The following MRC1 variants were observed in gnomAD, a reference collection of about 807,000 sequenced individuals.
MRC1 encodes mannose receptor C-type 1.
Under a neutral mutation model 102.9 loss-of-function variants are expected in MRC1, and 62 were observed. The ratio of observed to expected loss-of-function variants is 0.60; its 90% confidence interval spans 0.49 to 0.74. MRC1 has a LOEUF of 0.74. Among genes scored for constraint, MRC1 ranks in the 30% least tolerant of loss-of-function variants. The pLI, the probability that MRC1 is intolerant of heterozygous loss-of-function variation, is 0.00. For missense variants in MRC1, 1,237 were observed against 862.8 expected (o/e 1.43, Z -5.43); for synonymous variants, 457 against 298.4 (o/e 1.53, Z -5.48).
At chr10:17,835,160 C>A (rs2130615701) in intron 4 of MRC1, among the ~76,000 whole-genome samples, 1 of 152,282 alleles carries the variant, frequency 6.6e-6, no homozygotes, top group African/African-American at 2.4e-5. Flanking sequence ...TTTCCCATGT[C>A]ATTTCTTTTG....
chr10:17,894,649 T>G (rs1248498556), intron 23 of MRC1, among the ~76,000 whole-genome samples: 1 of 152,040 alleles, frequency 6.6e-6, no homozygotes, highest in African/African-American at 2.4e-5. Flanking sequence ...TCTACCTGCC[T>G]CGGCCTCCCA....
Position 17,876,406 on chromosome 10 carries a change from C to A in MRC1, c.2550+1153C>A, listed in dbSNP as rs905555566. Among the ~76,000 whole-genome samples the A allele has an allele frequency of 1.7e-4, 26 of 152,126 alleles. No homozygotes were observed. In the South Asian group the frequency reaches 5.4e-3, roughly 32 times the overall value. ...GGGACTACAGGCGCACACCACCATG[C>A]CTGGCTAATTTTTGTATTTTTAGTA... On this transcript the variant is annotated intron_variant, in intron 17 of 29. Transcript: ENST00000569591.
intron 5 of MRC1, among the ~76,000 whole-genome samples, chr10:17,842,727 A>G (rs1163037246): frequency 1.3e-5 from 2 of 152,194 alleles, no homozygotes; most frequent in African/African-American, 4.8e-5. Flanking sequence ...CAGTCATTTA[A>G]TTTATTCACT....
intron 1 of MRC1, among the ~76,000 whole-genome samples, chr10:17,817,541 G>T (rs1220340746): frequency 6.6e-6 from 1 of 152,118 alleles, no homozygotes; most frequent in African/African-American, 2.4e-5. Flanking sequence ...ATAGCATCTG[G>T]CGTGTGGTCA....
intron 19 of MRC1, among the ~76,000 whole-genome samples, chr10:17,880,255 A>G (rs1490862027): frequency 2.0e-5 from 3 of 152,204 alleles, no homozygotes; most frequent in African/African-American, 7.2e-5. Context: ...TTAGATTATT[A>G]TGATTAGCTA....
intron 1 of MRC1, among the ~76,000 whole-genome samples, chr10:17,816,157 G>T (rs1445070009): frequency 6.6e-6 from 1 of 152,220 alleles, no homozygotes; most frequent in Non-Finnish European, 1.5e-5. Context: ...CTTCTTGAAT[G>T]TACTAGGTGC....
Position 17,856,332 on chromosome 10 carries a change from G to A in MRC1, c.1498G>A (p.Val500Ile). Residue 500 changes from valine (V) to isoleucine (I), a missense_variant, in exon 9 of 30, where the codon GTC (valine) becomes ATC (isoleucine). By Grantham distance (29) the Val-to-Ile change is conservative (BLOSUM62 3). Coordinates refer to ENST00000569591, the MANE Select transcript of MRC1 (RefSeq NM_002438.4). ...AAGCCAAGGTCCAGAAATAGTGGAA[G>A]TCGAAAAAGGCTGCAGGAAAGTGAG... ...SRSQGPEIVE[V>I]EKGCRKGWKK... 1 of 856,472 alleles carries A rather than the reference G, an allele frequency of 1.2e-6. No homozygotes were observed. Among genetic ancestry groups the A allele is most frequent in the Middle Eastern group, 2.2e-4 (1 of 4,592 alleles). 53.1% of individuals were successfully genotyped at this position (856,472 alleles called of 1,614,324 possible). A position where few individuals can be genotyped will look rare whatever the true frequency, so the allele number is the denominator to read the frequency against.
chr10:17,829,515 A>G (rs1236921842), intron 3 of MRC1, among the ~76,000 whole-genome samples: 1 of 151,460 alleles, frequency 6.6e-6, no homozygotes, highest in Non-Finnish European at 1.5e-5. Context: ...TGTCTCTCTT[A>G]TGTCAATCTT....
At chr10:17,875,713 C>G (rs1028066600) in intron 17 of MRC1, among the ~76,000 whole-genome samples, 2 of 152,130 alleles carry the variant, frequency 1.3e-5, no homozygotes, top group Non-Finnish European at 1.5e-5. Context: ...GCAAATTGTG[C>G]CAATATTATA....
chr10:17,848,952 A>G (rs1838870630), intron 6 of MRC1, among the ~76,000 whole-genome samples: 2 of 152,166 alleles, frequency 1.3e-5, no homozygotes, highest in African/African-American at 4.8e-5. Context: ...CTCAAGAGTG[A>G]CTGGCTCCCT....
chr10:17,902,251 A>G, intron 26 of MRC1, 129 bp downstream of exon 26: 1 of 637,850 alleles, frequency 1.6e-6, no homozygotes, highest in South Asian at 2.2e-5. Flanking sequence ...TTTATAACAG[A>G]ATGGCCAATA....
In MRC1 at chr10:17,885,823, CATCATG is replaced by C. The variant is rs782722089; in HGVS notation, c.3147+420_3147+425del. Among the ~76,000 whole-genome samples, 459 of 150,916 alleles carry C rather than the reference CATCATG, an allele frequency of 3.0e-3. 1 individual carries two copies. Among genetic ancestry groups the C allele is most frequent in the African/African-American group, 8.5e-3 (352 of 41,236 alleles). The stretch of plus-strand genomic sequence containing the variant: ...TTCTAAAGATCATATGATCATCATC[CATCATG>C]ATCATGATCATGATCATGATCATGA... On this transcript the variant is annotated intron_variant, in intron 22 of 29. Coordinates refer to ENST00000569591, the MANE Select transcript of MRC1 (RefSeq NM_002438.4).
intron 7 of MRC1, 50 bp downstream of exon 7, chr10:17,849,814 C>T: frequency 1.4e-6 from 1 of 734,766 alleles, no homozygotes; most frequent in Non-Finnish European, 2.5e-6. Context: ...CTGGGAGCAC[C>T]CCTTTCTACC....
chr10:17,845,467 A>C, intron 6 of MRC1, 32 bp downstream of exon 6: 1 of 780,386 alleles, frequency 1.3e-6, no homozygotes, highest in Non-Finnish European at 2.4e-6. Context: ...AAGTGCCTCA[A>C]CTATTAGAAT....
At chr10:17,896,596 CA>C (rs1435694044) in intron 23 of MRC1, among the ~76,000 whole-genome samples, 58 of 152,248 alleles carry the variant, frequency 3.8e-4, no homozygotes, top group Middle Eastern at 3.4e-3. Flanking sequence ...GAAAGATTCA[CA>C]GTATTAAAGT....
At chr10:17,889,806 C>CATAGTTGTTTAACAACAACT (rs1405316565) in intron 22 of MRC1, among the ~76,000 whole-genome samples, 3 of 152,256 alleles carry the variant, frequency 2.0e-5, no homozygotes, top group East Asian at 1.9e-4. Context: ...GTATATTATT[C>CATAGTTGTTTAACAACAACT]ATAGTTGTTT....
At chr10:17,824,686 G>A (rs1342010871) in intron 2 of MRC1, among the ~76,000 whole-genome samples, 1 of 152,134 alleles carries the variant, frequency 6.6e-6, no homozygotes, top group Non-Finnish European at 1.5e-5. Flanking sequence ...TTACAAGGAA[G>A]GAGAAGGGTG....
At chr10:17,851,436 C>G (rs1838914939) in intron 7 of MRC1, among the ~76,000 whole-genome samples, 1 of 151,928 alleles carries the variant, frequency 6.6e-6, no homozygotes, top group Non-Finnish European at 1.5e-5. Flanking sequence ...AAGTATATTT[C>G]AAGTGGACAC....
At chr10:17,894,964 C>T (rs997835758) in intron 23 of MRC1, among the ~76,000 whole-genome samples, 25 of 152,102 alleles carry the variant, frequency 1.6e-4, no homozygotes, top group South Asian at 1.0e-3. Context: ...CTTGAGCCCC[C>T]GCATTTGAGA....
Sources: allele counts gnomAD v4.1 joint callset (sites outside exome capture counted in the v4.1 genomes callset), GRCh38; gene constraint gnomAD v4.1.1; transcripts MANE v1.5; gene names NCBI Gene and HGNC (gene_info 2026-07-23, HGNC 2026-07-21).